Variants in NTM observed in about 807,000 individuals in gnomAD.
NTM encodes neurotrimin, also known as IgLON family member 2.
A neutral mutation model predicts 42.1 loss-of-function variants in NTM; 13 were observed. That is an observed-to-expected ratio of 0.31 (90% CI 0.20 to 0.49). The LOEUF (loss-of-function observed/expected upper bound fraction) is 0.49, where lower values mean the gene tolerates loss of function less well. Ranked by LOEUF, NTM falls within the 20% of genes least tolerant of loss-of-function variation. NTM has a pLI of 0.99. For synonymous variants in NTM, 187 were observed against 179.2 expected (o/e 1.04, Z -0.35); for missense variants, 373 against 452.8 (o/e 0.82, Z 1.60).
At chr11:131,382,332 G>A (rs541798665) in intron 1 of NTM, among the ~76,000 whole-genome samples, 64 of 152,306 alleles carry the variant, frequency 4.2e-4, no homozygotes, top group African/African-American at 1.4e-3. Context: ...AGAGAAGGAT[G>A]CTTGTAGGTC....
chr11:131,797,695 T>C (rs892964202), intron 1 of NTM, among the ~76,000 whole-genome samples: 2 of 152,238 alleles, frequency 1.3e-5, no homozygotes, highest in African/African-American at 2.4e-5. Flanking sequence ...CCAGGTGTCT[T>C]TTCTCACAGA....
intron 2 of NTM, among the ~76,000 whole-genome samples, chr11:132,024,710 A>G (rs2074920576): frequency 6.6e-6 from 1 of 152,194 alleles, no homozygotes. Context: ...GGATAGGTAT[A>G]TTCCGGACTT....
intron 4 of NTM, among the ~76,000 whole-genome samples, chr11:132,260,498 T>C (rs2092780838): frequency 6.6e-6 from 1 of 152,108 alleles, no homozygotes; most frequent in African/African-American, 2.4e-5. Flanking sequence ...CTTCAAAATG[T>C]GGATGATGTA....
intron 1 of NTM, among the ~76,000 whole-genome samples, chr11:131,601,860 T>C (rs186649368): frequency 7.8e-4 from 119 of 152,328 alleles, no homozygotes; most frequent in African/African-American, 2.8e-3. Flanking sequence ...TTGCATTTAT[T>C]CTAGAATACT....
At chr11:131,867,334 C>A (rs376922719) in intron 1 of NTM, among the ~76,000 whole-genome samples, 1 of 152,014 alleles carries the variant, frequency 6.6e-6, no homozygotes, top group East Asian at 1.9e-4. Flanking sequence ...TGTGTGCGTG[C>A]GGATGGAGAG....
At chr11:131,941,840 A>G (rs558632688) in intron 2 of NTM, among the ~76,000 whole-genome samples, 1 of 152,270 alleles carries the variant, frequency 6.6e-6, no homozygotes, top group South Asian at 2.1e-4. Flanking sequence ...ACTCTACTTC[A>G]TTGCCCTTTA....
At chr11:132,075,342 T>A (rs2058222894) in intron 2 of NTM, among the ~76,000 whole-genome samples, 1 of 152,220 alleles carries the variant, frequency 6.6e-6, no homozygotes, top group Admixed American at 6.5e-5. Flanking sequence ...TAAAATAAAA[T>A]TTTAATCAAT....
intron 1 of NTM, among the ~76,000 whole-genome samples, chr11:131,573,194 C>T (rs1468400489): frequency 6.6e-6 from 1 of 152,178 alleles, no homozygotes; most frequent in Non-Finnish European, 1.5e-5. Context: ...ATGTCATCTT[C>T]TATCATTCCT....
intron 2 of NTM, among the ~76,000 whole-genome samples, chr11:132,015,680 T>A (rs2073279356): frequency 8.2e-6 from 1 of 121,252 alleles, no homozygotes; most frequent in Non-Finnish European, 1.9e-5. Context: ...ATGCAGCTAA[T>A]GTAAGTGTGA....
intron 1 of NTM, among the ~76,000 whole-genome samples, chr11:131,759,655 T>C (rs1413353931): frequency 6.6e-6 from 1 of 152,088 alleles, no homozygotes; most frequent in Non-Finnish European, 1.5e-5. Flanking sequence ...GCTAGTTGCC[T>C]GAAAGTGCTC....
intron 1 of NTM, among the ~76,000 whole-genome samples, chr11:131,857,651 G>A (rs569381390): frequency 6.6e-6 from 1 of 152,336 alleles, no homozygotes; most frequent in East Asian, 1.9e-4. Context: ...TTGAAAGCTA[G>A]TCAGGATTTC....
intron 2 of NTM, among the ~76,000 whole-genome samples, chr11:131,932,653 G>A (rs534674561): frequency 2.1e-4 from 32 of 152,328 alleles, no homozygotes; most frequent in Non-Finnish European, 4.1e-4. Context: ...CAAGGAATAG[G>A]AGATGATGCT....
intron 1 of NTM, among the ~76,000 whole-genome samples, chr11:131,816,490 G>A (rs913703377): frequency 5.3e-5 from 8 of 151,244 alleles, no homozygotes; most frequent in Admixed American, 1.3e-4. Context: ...GATTACAGAC[G>A]AAATGACGGT....
intron 1 of NTM, among the ~76,000 whole-genome samples, chr11:131,514,871 C>T (rs1004644960): frequency 6.6e-6 from 1 of 152,050 alleles, no homozygotes; most frequent in African/African-American, 2.4e-5. Flanking sequence ...GGATTACAGG[C>T]ATGAGCCCCC....
intron 2 of NTM, among the ~76,000 whole-genome samples, chr11:132,007,438 T>C (rs1193904560): frequency 6.6e-6 from 1 of 152,120 alleles, no homozygotes; most frequent in Non-Finnish European, 1.5e-5. Flanking sequence ...CTGCTGAGCG[T>C]TACGAAGCAC....
In NTM at chr11:132,101,525, A is replaced by G. The variant is rs139433316; in HGVS notation, c.168-44757A>G. 2.5e-3 allele frequency among the ~76,000 whole-genome samples: 378 copies of G among 150,930 alleles called. 3 individuals carry two copies. Among genetic ancestry groups the G allele is most frequent in the African/African-American group, 8.5e-3 (349 of 40,940 alleles). On this transcript the variant is annotated intron_variant, in intron 2 of 8. Coordinates refer to ENST00000683400, the MANE Select transcript of NTM (RefSeq NM_001352005.2). Reference sequence around the variant, plus strand: ...TTCTGTAATGTTGTCAAGCTAAATAAGGGAGTTTGGATAGACCAAGGAACA... The same window carrying G: ...TTCTGTAATGTTGTCAAGCTAAATAGGGGAGTTTGGATAGACCAAGGAACA...
chr11:131,426,607 C>T lies in NTM; in HGVS notation c.82+55719C>T, dbSNP rs567834345. Among the ~76,000 whole-genome samples, 318 of 152,278 alleles carry T rather than the reference C, an allele frequency of 2.1e-3. 2 individuals carry two copies. Among genetic ancestry groups the T allele is most frequent in the African/African-American group, 7.3e-3 (302 of 41,568 alleles). ...AGCTGAGTTATCGATTGCTGCATTT[C>T]GGCGGCTCTTAATCTGAAATGAAAT... On this transcript the variant is annotated intron_variant, in intron 1 of 8. Transcript: ENST00000683400.
At chr11:131,855,305 A>G (rs960422643) in intron 1 of NTM, among the ~76,000 whole-genome samples, 5 of 152,204 alleles carry the variant, frequency 3.3e-5, no homozygotes, top group Admixed American at 6.5e-5. Flanking sequence ...AAACTTGGTT[A>G]TTTTGGGTAT....
chr11:131,493,550 CACA>C (rs1955020443), intron 1 of NTM, among the ~76,000 whole-genome samples: 1 of 152,142 alleles, frequency 6.6e-6, no homozygotes, highest in South Asian at 2.1e-4. Context: ...GGACAACAAC[CACA>C]ACAACAGTGC....
Sources: gnomAD v4.1 joint callset for allele counts (sites outside exome capture counted in the v4.1 genomes callset) on GRCh38, gnomAD v4.1.1 for gene constraint, MANE v1.5 for transcripts, NCBI Gene and HGNC (gene_info 2026-07-23, HGNC 2026-07-21) for gene names.